Variants in ARFGEF3 observed in about 807,000 individuals in gnomAD.
The protein encoded by ARFGEF3 is ARFGEF family member 3.
A neutral mutation model predicts 221.7 loss-of-function variants in ARFGEF3; 96 were observed. The observed-to-expected ratio is 0.43, with a 90% CI of 0.37 to 0.51. ARFGEF3 has a LOEUF of 0.51. ARFGEF3 is among the 20% of genes least tolerant of loss of function. ARFGEF3 has a pLI of 0.00. For synonymous variants in ARFGEF3, 1,145 were observed against 1,126.8 expected (o/e 1.02, Z -0.32); for missense variants, 2,410 against 2,789.9 (o/e 0.86, Z 3.07).
intron 2 of ARFGEF3, among the ~76,000 whole-genome samples, chr6:138,201,140 A>T (rs1777527906): frequency 1.3e-5 from 2 of 152,234 alleles, no homozygotes; most frequent in South Asian, 4.1e-4. Context: ...CTCCTGCAAG[A>T]ATGGCCATAA....
Position 138,162,654 on chromosome 6 carries a change from A to G in ARFGEF3, c.85+483A>G, listed in dbSNP as rs1776641729. Reference sequence around the variant, plus strand: ...TTGCTTAGTGTTAGCTTTCCTGGTTATTGCACATGAAAAATAACATACGGG... The same window carrying G: ...TTGCTTAGTGTTAGCTTTCCTGGTTGTTGCACATGAAAAATAACATACGGG... On this transcript the variant is annotated intron_variant, in intron 1 of 33. Coordinates refer to ENST00000251691, the MANE Select transcript of ARFGEF3 (RefSeq NM_020340.5). This position sits in a 1 kb window ranked among gnomAD's most constrained non-coding sequence, Gnocchi z 4.7. 3.9e-5 allele frequency among the ~76,000 whole-genome samples: 6 copies of G among 152,174 alleles called. No homozygotes were observed. The highest frequency in any genetic ancestry group is 3.9e-4 in the Admixed American group (6 of 15,282).
intron 30 of ARFGEF3, 25 bp downstream of exon 30, chr6:138,323,798 C>G (rs751938005): frequency 6.2e-7 from 1 of 1,608,770 alleles, no homozygotes; most frequent in Non-Finnish European, 8.5e-7. Context: ...GGAAGCCCTC[C>G]CTGGCACAGT....
In ARFGEF3 at chr6:138,262,600, T is replaced by G. The variant is rs570711041; in HGVS notation, c.1218-101T>G. 137 of 1,193,356 alleles carry G rather than the reference T, an allele frequency of 1.1e-4. No individual in the cohort carries two copies. The African/African-American group carries it at 1.6e-3, about 14-fold the overall frequency. The allele number at this position is 1,193,356 out of a possible 1,614,324, so 73.9% of individuals were successfully genotyped here. On this transcript the variant is annotated intron_variant, in intron 11 of 33. Transcript: ENST00000251691. Reference sequence around the variant, plus strand: ...TTTATTCAAATCAGACTATCTGTTTTGAATACTTTGCTGTTTGCCAGGCTA... The same window carrying G: ...TTTATTCAAATCAGACTATCTGTTTGGAATACTTTGCTGTTTGCCAGGCTA...
At chr6:138,283,136 C>T (rs1464856256) in intron 14 of ARFGEF3, among the ~76,000 whole-genome samples, 1 of 152,132 alleles carries the variant, frequency 6.6e-6, no homozygotes, top group Non-Finnish European at 1.5e-5. Context: ...GCTTGATTTC[C>T]GTTTGTTTTC....
intron 4 of ARFGEF3, among the ~76,000 whole-genome samples, chr6:138,215,586 G>A (rs1777826214): frequency 6.6e-6 from 1 of 152,126 alleles, no homozygotes; most frequent in African/African-American, 2.4e-5. Flanking sequence ...GCTCTTAAGT[G>A]GTGGGTTACC....
At chr6:138,261,458 A>G (rs1416011951) in intron 10 of ARFGEF3, 69 bp from the exon 11 acceptor site, 16 of 915,662 alleles carry the variant, frequency 1.7e-5, no homozygotes, top group Non-Finnish European at 2.5e-5. Flanking sequence ...TTTTGATCTC[A>G]CAATTTAAAA....
Position 138,162,061 on chromosome 6 carries a change from G to A in ARFGEF3, c.-26G>A, listed in dbSNP as rs749778626. 1.3e-6 allele frequency: 2 copies of A among 1,551,870 alleles called. No individual in the cohort carries two copies. Among genetic ancestry groups the A allele is most frequent in the South Asian group, 1.2e-5 (1 of 86,588 alleles). On this transcript the variant is annotated 5_prime_UTR_variant, in exon 1 of 34. Coordinates refer to ENST00000251691, the MANE Select transcript of ARFGEF3 (RefSeq NM_020340.5). This position sits in a 1 kb window ranked among gnomAD's most constrained non-coding sequence, Gnocchi z 4.7. ...CGCCCGCGCTTCTCTCCCTGTGGGC[G>A]GCGGCCCGGCGCCTGGAAGGTCAAG... is the stretch of plus-strand genomic sequence containing the variant.
chr6:138,263,710 A>C (rs1778834420), intron 12 of ARFGEF3, 99 bp downstream of exon 12: 2 of 1,134,702 alleles, frequency 1.8e-6, no homozygotes, highest in African/African-American at 3.1e-5. Context: ...ACGTGCTCAA[A>C]GCATATTAAT....
intron 7 of ARFGEF3, among the ~76,000 whole-genome samples, chr6:138,244,695 G>T (rs902167578): frequency 2.0e-5 from 3 of 152,172 alleles, no homozygotes; most frequent in Non-Finnish European, 2.9e-5. Context: ...AACAAATAAA[G>T]TAGGTAAAGA....
chr6:138,220,545 A>G (rs995438813), intron 4 of ARFGEF3, among the ~76,000 whole-genome samples: 1 of 152,208 alleles, frequency 6.6e-6, no homozygotes, highest in Non-Finnish European at 1.5e-5. Context: ...CTTTACTTCT[A>G]TGAGAAAATG....
At chr6:138,190,481 G>A (rs1307357731) in intron 2 of ARFGEF3, among the ~76,000 whole-genome samples, 1 of 152,186 alleles carries the variant, frequency 6.6e-6, no homozygotes, top group African/African-American at 2.4e-5. Flanking sequence ...AACCAGAGAT[G>A]AAGCTTTGAG....
chr6:138,210,215 A>G (rs1236642415), intron 4 of ARFGEF3, among the ~76,000 whole-genome samples, 174 bp downstream of exon 4: 1 of 152,180 alleles, frequency 6.6e-6, no homozygotes, highest in African/African-American at 2.4e-5. Flanking sequence ...ATGGTTTAAC[A>G]TCAAAAGGGA....
At chr6:138,318,907 G>C (rs574508805) in intron 27 of ARFGEF3, among the ~76,000 whole-genome samples, 1 of 152,274 alleles carries the variant, frequency 6.6e-6, no homozygotes, top group African/African-American at 2.4e-5. Flanking sequence ...AATAGAAATA[G>C]TATGTGGCAA....
intron 28 of ARFGEF3, among the ~76,000 whole-genome samples, chr6:138,320,188 T>C (rs768515513): frequency 1.3e-5 from 2 of 151,792 alleles, no homozygotes; most frequent in African/African-American, 2.4e-5. Context: ...TTCAAGTATA[T>C]AAAAAAGAAA....
Position 138,311,429 on chromosome 6 carries a change from T to G in ARFGEF3, c.4119T>G (p.Ile1373Met), listed in dbSNP as rs1295138109. The G allele has an allele frequency of 1.9e-6, 3 of 1,608,216 alleles. No homozygotes were observed. In the Admixed American group the frequency reaches 5.1e-5, roughly 27 times the overall value. The change falls in exon 25 of 34, where the codon ATT (isoleucine) becomes ATG (methionine). Residue 1373 changes from isoleucine to methionine, a missense_variant. Transcript: ENST00000251691. Reference sequence around the variant, plus strand: ...TAGGGGAGGTGGACTGTAAAGAGATTGGAGACTGTGCCCCAGCACCCGGAG... The same window carrying G: ...TAGGGGAGGTGGACTGTAAAGAGATGGGAGACTGTGCCCCAGCACCCGGAG... ...KGLGEVDCKE[I>M]GDCAPAPGAP...
At chr6:138,235,563 C>A (rs1778269543) in intron 5 of ARFGEF3, among the ~76,000 whole-genome samples, 1 of 152,174 alleles carries the variant, frequency 6.6e-6, no homozygotes. Flanking sequence ...CTCTTAGCTG[C>A]TATGATTCAG....
Position 138,341,920 on chromosome 6 carries a change from C to T in ARFGEF3, c.*5434C>T, listed in dbSNP as rs1341924872. ...CCACACCACTAGCACCATACAGAAC[C>T]TTTTCTCTGTATCTTTGTACAATAC... On this transcript the variant is annotated 3_prime_UTR_variant, in exon 34 of 34. Transcript: ENST00000251691. 6.6e-6 allele frequency: 1 copy of T among 152,142 alleles called. No homozygotes were observed. Among genetic ancestry groups the T allele is most frequent in the Non-Finnish European group, 1.5e-5 (1 of 68,040 alleles). The allele number at this position is 152,142 out of a possible 1,614,324, so 9.4% of individuals were successfully genotyped here.
intron 2 of ARFGEF3, among the ~76,000 whole-genome samples, chr6:138,182,274 T>G (rs1777091895): frequency 6.6e-6 from 1 of 152,184 alleles, no homozygotes; most frequent in Non-Finnish European, 1.5e-5. Flanking sequence ...AGAAGATTTT[T>G]TATTATTATT....
intron 18 of ARFGEF3, 113 bp downstream of exon 18, chr6:138,290,081 A>T: frequency 1.0e-6 from 1 of 994,740 alleles, no homozygotes; most frequent in Non-Finnish European, 1.5e-6. Flanking sequence ...ATGTAAATCA[A>T]TTATAACAAT....
Sources: gnomAD v4.1 joint callset for allele counts (sites outside exome capture counted in the v4.1 genomes callset) on GRCh38, gnomAD v4.1.1 for gene constraint, Gnocchi (gnomAD v3.1) non-coding constraint, MANE v1.5 for transcripts, NCBI Gene and HGNC (gene_info 2026-07-23, HGNC 2026-07-21) for gene names.